The following RUBCN variants were observed in gnomAD, a reference collection of about 807,000 sequenced individuals.
RUBCN encodes the protein rubicon autophagy regulator.
In RUBCN, 74 loss-of-function variants were observed where a neutral mutation model predicts 113.2. The ratio of observed to expected loss-of-function variants is 0.65; its 90% CI spans 0.54 to 0.79. RUBCN has a LOEUF of 0.79. Among genes scored for constraint, RUBCN ranks in the 30% least tolerant of loss-of-function variants. RUBCN has a pLI of 0.00. For synonymous variants in RUBCN, 480 were observed against 490.0 expected (o/e 0.98, Z 0.27); for missense variants, 1,109 against 1,251.7 (o/e 0.89, Z 1.72).
At chr3:197,703,441 TTTCAGCTCAC>T in intron 5 of RUBCN, 97 bp downstream of exon 5, 1 of 414,624 alleles carries the variant, frequency 2.4e-6, no homozygotes, top group Non-Finnish European at 4.6e-6. Context: ...AATGCAAGCC[TTTCAGCTCAC>T]AAAAATGGCT....
rs762804959 is a variant in RUBCN, at chr3:197,700,721, G to T, written c.1153C>A (p.Arg385Ser). Residue 385 changes from arginine (R) to serine (S), a missense_variant, in exon 7 of 20, where the codon CGC (arginine) becomes AGC (serine). Arg to Ser is a moderately radical substitution (Grantham distance 110). Transcript: ENST00000296343. ...TGCCCCTCTGAGAAGCTGGACCTGC[G>T]GAGGACACTGGACAGCTGGCTCTCC... ...GGESQLSSVL[R>S]RSSFSEGQTL... 6 of 1,614,168 alleles carry T rather than the reference G, an allele frequency of 3.7e-6. No homozygotes were observed. The highest frequency in any genetic ancestry group is 5.1e-6 in the Non-Finnish European group (6 of 1,180,012).
At chr3:197,735,460 C>T (rs980433494) in intron 1 of RUBCN, among the ~76,000 whole-genome samples, 1 of 152,236 alleles carries the variant, frequency 6.6e-6, no homozygotes, top group African/African-American at 2.4e-5. Context: ...CACATTCCTG[C>T]TCTCGCCTGT....
chr3:197,736,700 C>A lies in RUBCN; in HGVS notation c.20G>T (p.Gly7Val). 2.0e-6 allele frequency: 3 copies of A among 1,531,788 alleles called. No individual in the cohort carries two copies. The highest frequency in any genetic ancestry group is 2.6e-6 in the Non-Finnish European group (3 of 1,145,824). The allele number at this position is 1,531,788 out of a possible 1,614,324, so 94.9% of individuals were successfully genotyped here. Residue 7 changes from glycine (G) to valine (V), a missense_variant, in exon 1 of 20, where the codon GGA (glycine) becomes GTA (valine). Around this residue, in one of 3 missense-constraint regions of RUBCN, gnomAD observed 736 missense variants for 779.6 expected, o/e 0.94. Transcript: ENST00000296343. MRPEGA[G>V]MELGGGEERL... is the part of the protein sequence containing the mutation. ...CTCCTCGCCGCCTCCGAGCTCCATT[C>A]CCGCGCCCTCCGGCCGCATCCGGGG...
At chr3:197,720,644 T>C (rs1011401329) in intron 1 of RUBCN, among the ~76,000 whole-genome samples, 1 of 152,150 alleles carries the variant, frequency 6.6e-6, no homozygotes, top group Middle Eastern at 3.2e-3. Flanking sequence ...TGGGCTCACA[T>C]GATCTGTGCA....
intron 1 of RUBCN, among the ~76,000 whole-genome samples, chr3:197,732,503 C>G (rs1427157183): frequency 6.6e-6 from 1 of 152,126 alleles, no homozygotes; most frequent in Non-Finnish European, 1.5e-5. Context: ...TTAGTAGAGA[C>G]GGGGTTTCAC....
intron 11 of RUBCN, among the ~76,000 whole-genome samples, chr3:197,689,229 T>G (rs1722167898): frequency 6.6e-6 from 1 of 152,062 alleles, no homozygotes; most frequent in Non-Finnish European, 1.5e-5. Context: ...GGTCTCACTA[T>G]GTTTCCCAGG....
At chr3:197,679,612 A>C (rs1443182400) in intron 16 of RUBCN, among the ~76,000 whole-genome samples, 2 of 140,770 alleles carry the variant, frequency 1.4e-5, no homozygotes, top group East Asian at 2.2e-4. Context: ...ACGCTCTGAC[A>C]ACTGGCTTCA....
At chr3:197,686,857 C>T (rs538718417) in intron 11 of RUBCN, among the ~76,000 whole-genome samples, 2 of 152,276 alleles carry the variant, frequency 1.3e-5, no homozygotes, top group Admixed American at 1.3e-4. Flanking sequence ...GTTGAGTCAT[C>T]GCAGTTTTTG....
chr3:197,705,941 T>C (rs1724253462), intron 2 of RUBCN, among the ~76,000 whole-genome samples: 1 of 152,168 alleles, frequency 6.6e-6, no homozygotes, highest in African/African-American at 2.4e-5. Context: ...TTGGCCAGGC[T>C]GGTCTCAAAC....
intron 1 of RUBCN, among the ~76,000 whole-genome samples, chr3:197,726,643 G>A (rs1726792763): frequency 6.6e-6 from 1 of 150,634 alleles, no homozygotes; most frequent in Non-Finnish European, 1.5e-5. Context: ...GGGTTCAAGC[G>A]ATTCTCCTGC....
At chr3:197,693,626 C>A in intron 11 of RUBCN, 89 bp downstream of exon 11, 1 of 908,966 alleles carries the variant, frequency 1.1e-6, no homozygotes, top group Non-Finnish European at 1.8e-6. Flanking sequence ...TAATGAAGAT[C>A]TTCTACTTAG....
chr3:197,676,782 T>C (rs1720481217), intron 18 of RUBCN, 103 bp downstream of exon 18: 2 of 1,597,158 alleles, frequency 1.3e-6, no homozygotes, highest in East Asian at 2.2e-5. Flanking sequence ...TGACTGGCCA[T>C]TTCAACTTCC....
chr3:197,701,250 G>T, intron 6 of RUBCN, 104 bp from the exon 7 acceptor site: 1 of 1,050,980 alleles, frequency 9.5e-7, no homozygotes, highest in Non-Finnish European at 1.3e-6. Context: ...CCTCAGAAAC[G>T]GCAAGCCAAA....
chr3:197,697,110 C>T (rs897252932), intron 7 of RUBCN, 61 bp from the exon 8 acceptor site: 4 of 862,380 alleles, frequency 4.6e-6, no homozygotes, highest in Non-Finnish European at 8.0e-6. Flanking sequence ...GGTACATTCC[C>T]AACTCTGGAG....
intron 10 of RUBCN, 44 bp downstream of exon 10, chr3:197,694,331 G>A: frequency 6.4e-7 from 1 of 1,572,182 alleles, no homozygotes. Flanking sequence ...TTATGCTGAA[G>A]TTGGGAAAAT....
At chr3:197,724,885 T>C (rs951045702) in intron 1 of RUBCN, among the ~76,000 whole-genome samples, 6 of 152,076 alleles carry the variant, frequency 3.9e-5, no homozygotes, top group Non-Finnish European at 8.8e-5. Flanking sequence ...TAGCGATTAA[T>C]AGAGGATCAG....
upstream of RUBCN, among the ~76,000 whole-genome samples, chr3:197,737,491 A>G (rs1218537015): frequency 6.6e-6 from 1 of 151,854 alleles, no homozygotes; most frequent in Non-Finnish European, 1.5e-5. Flanking sequence ...GAAGGTGGAG[A>G]GAGCAACACG....
intron 11 of RUBCN, among the ~76,000 whole-genome samples, chr3:197,688,177 C>A (rs1194831559): frequency 2.0e-5 from 3 of 152,214 alleles, no homozygotes; most frequent in Non-Finnish European, 4.4e-5. Context: ...CAGGTGCACA[C>A]CACCACACCC....
At chr3:197,737,865 C>G (rs28444284), upstream of RUBCN, among the ~76,000 whole-genome samples, 7,885 of 152,070 alleles carry the variant, frequency 0.052, 604 homozygotes, top group African/African-American at 0.17. Flanking sequence ...AAACGTGGGC[C>G]TAGGGTTGCC....
Sources: gnomAD v4.1 joint callset for allele counts (sites outside exome capture counted in the v4.1 genomes callset) on GRCh38, gnomAD v4.1.1 for gene constraint, gnomAD v4.1.1 regional missense constraint, MANE v1.5 for transcripts, NCBI Gene and HGNC (gene_info 2026-07-23, HGNC 2026-07-21) for gene names.